Variants in ARHGEF3 observed in about 807,000 individuals in gnomAD.
ARHGEF3 encodes 59.8 kDA protein.
A neutral mutation model predicts 63.2 loss-of-function variants in ARHGEF3; 28 were observed. That is an observed-to-expected ratio of 0.44 (90% confidence interval 0.33 to 0.61). The LOEUF (loss-of-function observed/expected upper bound fraction) is 0.61, where lower values mean the gene tolerates loss of function less well. ARHGEF3 is among the 20% of genes least tolerant of loss of function. The pLI, the probability that ARHGEF3 is intolerant of heterozygous loss-of-function variation, is 0.03. For synonymous variants in ARHGEF3, 266 were observed against 254.2 expected (o/e 1.05, Z -0.44); for missense variants, 533 against 659.3 (o/e 0.81, Z 2.10).
At position 56,751,400 on chromosome 3, in the gene ARHGEF3, C is replaced by A; in HGVS notation, c.439-4G>T. On this transcript the variant is annotated splice_region_variant and splice_polypyrimidine_tract_variant and intron_variant, in intron 4 of 9. Coordinates refer to ENST00000296315, the MANE Select transcript of ARHGEF3 (RefSeq NM_019555.3). The stretch of plus-strand genomic sequence containing the variant: ...TCAGCATGGGGTCATGATAGGCCTG[C>A]ACAAAAACGGCAAGAGATGGAAGCA... The A allele has an allele frequency of 6.2e-7, 1 of 1,611,300 alleles. No individual in the cohort carries two copies. Among genetic ancestry groups the A allele is most frequent in the Non-Finnish European group, 8.5e-7 (1 of 1,177,570 alleles).
chr3:56,844,335 G>A (rs906465822), intron 4 of ARHGEF3, among the ~76,000 whole-genome samples: 1 of 152,142 alleles, frequency 6.6e-6, no homozygotes, highest in Non-Finnish European at 1.5e-5. Context: ...TCTAAGAACT[G>A]TTAAGCTTCT....
intron 4 of ARHGEF3, among the ~76,000 whole-genome samples, chr3:56,808,376 G>A (rs531995833): frequency 5.3e-5 from 8 of 152,238 alleles, no homozygotes; most frequent in Admixed American, 1.3e-4. Flanking sequence ...GAGCGCAGGC[G>A]TTCGAGACCA....
At chr3:57,073,867 G>A (rs754516467) in intron 1 of ARHGEF3, 17 of 1,614,100 alleles carry the variant, frequency 1.1e-5, no homozygotes, top group South Asian at 6.6e-5. Context: ...CAGGGTCCAG[G>A]TGTCCTGCCA....
At chr3:56,922,924 G>A (rs76794638) in intron 3 of ARHGEF3, among the ~76,000 whole-genome samples, 37,917 of 151,064 alleles carry the variant, frequency 0.25, 5,288 homozygotes, top group East Asian at 0.4. Context: ...AGTGGCTCAC[G>A]CCTGTAATCC....
chr3:56,862,594 A>T (rs2040114098), intron 4 of ARHGEF3, among the ~76,000 whole-genome samples: 1 of 152,170 alleles, frequency 6.6e-6, no homozygotes, highest in Admixed American at 6.5e-5. Context: ...AAAGTCTCAC[A>T]CAGGACGAGG....
chr3:57,051,313 C>T (rs1313361737), intron 1 of ARHGEF3, among the ~76,000 whole-genome samples: 2 of 151,914 alleles, frequency 1.3e-5, no homozygotes, highest in African/African-American at 4.8e-5. Flanking sequence ...CATGGAGAAA[C>T]CCCATCTCTA....
intron 3 of ARHGEF3, among the ~76,000 whole-genome samples, chr3:56,917,169 C>T (rs1245328261): frequency 6.6e-6 from 1 of 152,168 alleles, no homozygotes; most frequent in African/African-American, 2.4e-5. Flanking sequence ...TAGGAAACTA[C>T]AAGGTTTCAG....
At chr3:56,785,960 G>A (rs940036578) in intron 1 of ARHGEF3, among the ~76,000 whole-genome samples, 2 of 152,184 alleles carry the variant, frequency 1.3e-5, no homozygotes, top group Admixed American at 1.3e-4. Flanking sequence ...GAGCAGACAG[G>A]CCTTGCAGAG....
At chr3:57,042,696 A>T (rs1427984737) in intron 1 of ARHGEF3, among the ~76,000 whole-genome samples, 18,744 of 32,834 alleles carry the variant, frequency 0.57, 3,757 homozygotes, top group African/African-American at 0.61. Flanking sequence ...ATATATATAT[A>T]TATATTTTTT....
At chr3:56,855,500 A>G (rs2039839178) in intron 4 of ARHGEF3, among the ~76,000 whole-genome samples, 1 of 151,860 alleles carries the variant, frequency 6.6e-6, no homozygotes, top group African/African-American at 2.4e-5. Flanking sequence ...CCTGGCCAAC[A>G]TGGTAAAACC....
chr3:56,861,193 A>G (rs995624974), intron 4 of ARHGEF3, among the ~76,000 whole-genome samples: 1 of 152,194 alleles, frequency 6.6e-6, no homozygotes, highest in Non-Finnish European at 1.5e-5. Flanking sequence ...GCCTGTCACC[A>G]GTGAGTGGTG....
chr3:56,953,483 C>G (rs1699905123), intron 3 of ARHGEF3, among the ~76,000 whole-genome samples: 1 of 152,158 alleles, frequency 6.6e-6, no homozygotes, highest in Non-Finnish European at 1.5e-5. Flanking sequence ...AAACAGAGTC[C>G]CTTTTGGTAA....
chr3:56,842,655 A>G lies in ARHGEF3; in HGVS notation c.192+39637T>C, dbSNP rs76816568. On this transcript the variant is annotated intron_variant, in intron 4 of 12. Coordinates refer to the ARHGEF3 transcript ENST00000338458. ...GTAGCCCTGGAAGATTACCTAAGCT[A>G]AGACAAAATGGTGAAGAGCAGAGAT... 7.6e-3 allele frequency among the ~76,000 whole-genome samples: 1,154 copies of G among 152,284 alleles called. 10 individuals are homozygous for G. The highest frequency in any genetic ancestry group is 0.012 in the Non-Finnish European group (820 of 68,022).
chr3:56,737,563 A>G (rs1176233757), intron 7 of ARHGEF3, among the ~76,000 whole-genome samples: 1 of 152,090 alleles, frequency 6.6e-6, no homozygotes, highest in Non-Finnish European at 1.5e-5. Context: ...ATACACACAC[A>G]TTTATTTGTA....
At chr3:57,021,605 T>C (rs1378353001) in intron 2 of ARHGEF3, among the ~76,000 whole-genome samples, 3 of 151,914 alleles carry the variant, frequency 2.0e-5, no homozygotes, top group African/African-American at 7.3e-5. Flanking sequence ...TACAAAAAAT[T>C]AGCCAGGCAT....
intron 2 of ARHGEF3, among the ~76,000 whole-genome samples, chr3:56,771,100 T>TG (rs1392418990): frequency 2.0e-4 from 29 of 148,712 alleles, no homozygotes; most frequent in African/African-American, 7.3e-4. Context: ...GCAACAAGGG[T>TG]GAAACTCCAT....
intron 4 of ARHGEF3, among the ~76,000 whole-genome samples, chr3:56,824,696 T>C (rs973298208): frequency 1.3e-5 from 2 of 152,226 alleles, no homozygotes; most frequent in Non-Finnish European, 2.9e-5. Flanking sequence ...CTTGGTCAGC[T>C]TTCCACGTGC....
intron 9 of ARHGEF3, chr3:56,731,954 G>C (rs2033193810): frequency 1.7e-6 from 1 of 575,366 alleles, no homozygotes; most frequent in Admixed American, 3.1e-5. Flanking sequence ...CAGAGAAAGG[G>C]AACTTAAGGA....
intron 2 of ARHGEF3, among the ~76,000 whole-genome samples, chr3:56,996,892 T>TATTTA (rs202043317): frequency 1.6e-5 from 2 of 122,526 alleles, no homozygotes; most frequent in African/African-American, 3.2e-5. Flanking sequence ...TTATTATTAT[T>TATTTA]TTTTTTTTTT....
Sources: allele counts gnomAD v4.1 joint callset (sites outside exome capture counted in the v4.1 genomes callset), GRCh38; gene constraint gnomAD v4.1.1; transcripts MANE v1.5; gene names NCBI Gene and HGNC (gene_info 2026-07-23, HGNC 2026-07-21).